THSD7B: variants seen among roughly 807,000 people sequenced by gnomAD.
The protein encoded by THSD7B is thrombospondin type 1 domain containing 7B, also known as thrombospondin type-1 domain-containing protein 7B.
In THSD7B, 138 loss-of-function variants were observed where a neutral mutation model predicts 213.6. That is an observed-to-expected ratio of 0.65 (90% CI 0.56 to 0.74). The LOEUF is 0.74. Ranked by LOEUF, THSD7B falls within the 30% of genes least tolerant of loss-of-function variation. The pLI is 0.00. For synonymous variants in THSD7B, 742 were observed against 687.0 expected (o/e 1.08, Z -1.25); for missense variants, 1,931 against 1,991.5 (o/e 0.97, Z 0.58).
At chr2:137,510,871 T>C (rs1028802281) in intron 15 of THSD7B, among the ~76,000 whole-genome samples, 6 of 152,154 alleles carry the variant, frequency 3.9e-5, no homozygotes, top group African/African-American at 1.4e-4. Flanking sequence ...CTATTCGGGG[T>C]TTGTTGAACT....
chr2:137,557,077 C>T (rs1680987557), intron 15 of THSD7B, among the ~76,000 whole-genome samples: 1 of 152,096 alleles, frequency 6.6e-6, no homozygotes, highest in African/African-American at 2.4e-5. Flanking sequence ...ACTTAGACTC[C>T]CACACAATAA....
chr2:137,551,757 G>C (rs1176168561), intron 15 of THSD7B, among the ~76,000 whole-genome samples: 1 of 152,076 alleles, frequency 6.6e-6, no homozygotes, highest in Non-Finnish European at 1.5e-5. Context: ...CAGGCGTGAT[G>C]GGAAGCTCAG....
chr2:137,345,213 G>A (rs1684849684), intron 12 of THSD7B, among the ~76,000 whole-genome samples: 2 of 151,654 alleles, frequency 1.3e-5, no homozygotes, highest in African/African-American at 2.4e-5. Flanking sequence ...GTATCACCAA[G>A]CAAGGAAGAA....
At chr2:137,151,526 T>TAA (rs35604618) in intron 5 of THSD7B, among the ~76,000 whole-genome samples, 1 of 146,988 alleles carries the variant, frequency 6.8e-6, no homozygotes, top group African/African-American at 2.5e-5. Context: ...CTTAAAAGTA[T>TAA]AAAAAAAAAA....
At chr2:137,377,552 T>A (rs1389156515) in intron 12 of THSD7B, among the ~76,000 whole-genome samples, 14 of 152,134 alleles carry the variant, frequency 9.2e-5, no homozygotes, top group Admixed American at 8.5e-4. Context: ...GAGCTCAGTT[T>A]AAAAAAATTA....
intron 2 of THSD7B, among the ~76,000 whole-genome samples, chr2:136,938,659 T>A (rs1684771035): frequency 6.6e-6 from 1 of 152,214 alleles, no homozygotes. Flanking sequence ...CAGATTAGAC[T>A]TTGTATTGAG....
In THSD7B at chr2:137,397,326, C is replaced by T. The variant is rs574650145; in HGVS notation, c.2501-8287C>T. ...ACCGGTTGTTCCTTTCCATGTTTAG[C>T]GCTTCCTTCAGGAGCTCTTTTAGGG... On this transcript the variant is annotated intron_variant, in intron 12 of 27. Transcript: ENST00000409968. Among the ~76,000 whole-genome samples the T allele has an allele frequency of 3.0e-3, 460 of 152,034 alleles. 2 individuals carry two copies. Among genetic ancestry groups the T allele is most frequent in the Admixed American group, 3.5e-3 (54 of 15,276 alleles).
At chr2:137,395,166 C>T (rs1686144753) in intron 12 of THSD7B, among the ~76,000 whole-genome samples, 1 of 145,282 alleles carries the variant, frequency 6.9e-6, no homozygotes, top group Non-Finnish European at 1.5e-5. Context: ...CCTTCTCCTG[C>T]CTAATTGCCC....
rs185878452 is a variant in THSD7B, at chr2:137,436,879, G to A, written c.2960-13966G>A. Reference sequence around the variant, plus strand: ...ACATTTAGAATTGTACTGTTGACAAGCCCCCAGATTTTGAGTCTCAGGTGT... The same window carrying A: ...ACATTTAGAATTGTACTGTTGACAAACCCCCAGATTTTGAGTCTCAGGTGT... On this transcript the variant is annotated intron_variant, in intron 14 of 27. Transcript: ENST00000409968. Among the ~76,000 whole-genome samples, 363 of 152,134 alleles carry A rather than the reference G, an allele frequency of 2.4e-3. 1 individual carries two copies. Among genetic ancestry groups the A allele is most frequent in the Middle Eastern group, 6.8e-3 (2 of 294 alleles).
At chr2:137,023,164 G>T (rs1002961961) in intron 2 of THSD7B, among the ~76,000 whole-genome samples, 2 of 152,304 alleles carry the variant, frequency 1.3e-5, no homozygotes, top group East Asian at 3.9e-4. Context: ...GCAGAGGGTG[G>T]TAAACCATCT....
intron 5 of THSD7B, among the ~76,000 whole-genome samples, chr2:137,141,855 C>A (rs1679593661): frequency 6.6e-6 from 1 of 152,110 alleles, no homozygotes; most frequent in Admixed American, 6.6e-5. Context: ...CTAGAAGTTA[C>A]ATTTAATGTT....
chr2:137,253,166 G>A (rs1443702054), intron 10 of THSD7B, among the ~76,000 whole-genome samples: 1 of 152,066 alleles, frequency 6.6e-6, no homozygotes, highest in Non-Finnish European at 1.5e-5. Flanking sequence ...CAGTCTGTGT[G>A]TACTTGCATT....
At chr2:137,283,740 G>T (rs1346952440) in intron 12 of THSD7B, among the ~76,000 whole-genome samples, 3 of 152,068 alleles carry the variant, frequency 2.0e-5, no homozygotes, top group Non-Finnish European at 4.4e-5. Context: ...TGCATCCCAG[G>T]AATGAAGCCC....
At chr2:136,929,463 G>A (rs1161550789) in intron 2 of THSD7B, among the ~76,000 whole-genome samples, 1 of 152,082 alleles carries the variant, frequency 6.6e-6, no homozygotes, top group East Asian at 1.9e-4. Flanking sequence ...ACTTCAAAAT[G>A]TCAGGTCTTT....
intron 2 of THSD7B, among the ~76,000 whole-genome samples, chr2:136,936,023 A>G (rs1684720534): frequency 6.7e-6 from 1 of 149,692 alleles, no homozygotes; most frequent in Non-Finnish European, 1.5e-5. Flanking sequence ...AAATATATAT[A>G]TAGTCGAGGC....
At chr2:137,338,975 A>G (rs988193329) in intron 12 of THSD7B, among the ~76,000 whole-genome samples, 2 of 152,068 alleles carry the variant, frequency 1.3e-5, no homozygotes, top group African/African-American at 4.8e-5. Context: ...ACTTGTATGT[A>G]CTCATAAGGT....
chr2:137,175,503 G>A (rs1016669072), intron 7 of THSD7B, among the ~76,000 whole-genome samples: 2 of 152,150 alleles, frequency 1.3e-5, no homozygotes, highest in African/African-American at 4.8e-5. Flanking sequence ...CATTTTCCAT[G>A]CAAATATTTT....
At chr2:137,508,920 A>G (rs4637178) in intron 15 of THSD7B, among the ~76,000 whole-genome samples, 25,183 of 151,914 alleles carry the variant, frequency 0.17, 2,227 homozygotes, top group South Asian at 0.28. Flanking sequence ...TTTCTGCCTC[A>G]GGGCACTCTC....
rs77696692 is a variant in THSD7B, at chr2:137,399,484, C to A, written c.2501-6129C>A. On this transcript the variant is annotated intron_variant, in intron 12 of 27. Transcript: ENST00000409968. ...CTGGGATTACAGGCATGAGGCATAACACTCAGCCTCTTTCAGCAGTTTTTA... is the reference window on the plus strand; with the variant it reads ...CTGGGATTACAGGCATGAGGCATAAAACTCAGCCTCTTTCAGCAGTTTTTA... 4.6e-3 allele frequency among the ~76,000 whole-genome samples: 708 copies of A among 152,260 alleles called. 4 individuals are homozygous for A. The highest frequency in any genetic ancestry group is 6.7e-3 in the Admixed American group (102 of 15,292).
Sources: gnomAD v4.1 joint callset for allele counts (sites outside exome capture counted in the v4.1 genomes callset) on GRCh38, gnomAD v4.1.1 for gene constraint, MANE v1.5 for transcripts, NCBI Gene and HGNC (gene_info 2026-07-23, HGNC 2026-07-21) for gene names.